The following SETBP1 variants were observed in gnomAD, a reference collection of about 807,000 sequenced individuals.
SETBP1 encodes the protein SET binding protein 1, also known as SET-binding protein.
Under a neutral mutation model 101.0 loss-of-function variants are expected in SETBP1, and 9 were observed. That is an observed-to-expected ratio of 0.09 (90% CI 0.05 to 0.16). The LOEUF is 0.16. Among genes scored for constraint, SETBP1 ranks in the 10% least tolerant of loss-of-function variants. SETBP1 has a pLI of 1.00. For synonymous variants in SETBP1, 818 were observed against 788.5 expected (o/e 1.04, Z -0.63); for missense variants, 1,858 against 2,033.8 (o/e 0.91, Z 1.66).
chr18:44,727,812 A>G (rs2069748257), intron 2 of SETBP1, among the ~76,000 whole-genome samples: 1 of 152,184 alleles, frequency 6.6e-6, no homozygotes, highest in Admixed American at 6.5e-5. Context: ...TTGTTGGGTC[A>G]AAGTAATCCA....
intron 3 of SETBP1, among the ~76,000 whole-genome samples, chr18:44,892,939 G>A (rs1304614520): frequency 6.6e-6 from 1 of 152,050 alleles, no homozygotes; most frequent in Admixed American, 6.6e-5. Flanking sequence ...CAAATCTTCT[G>A]GTAGCTCCAT....
intron 4 of SETBP1, among the ~76,000 whole-genome samples, chr18:45,006,807 T>C (rs1157610534): frequency 2.0e-5 from 3 of 152,176 alleles, no homozygotes; most frequent in Non-Finnish European, 4.4e-5. Flanking sequence ...GGGACACAAT[T>C]CAACCCACAA....
At chr18:44,766,799 C>G (rs528286353) in intron 2 of SETBP1, among the ~76,000 whole-genome samples, 1 of 151,926 alleles carries the variant, frequency 6.6e-6, no homozygotes, top group Non-Finnish European at 1.5e-5. Flanking sequence ...TAGCAAGACC[C>G]TGTCTCTGAA....
intron 3 of SETBP1, among the ~76,000 whole-genome samples, chr18:44,884,943 G>A (rs936746585): frequency 6.6e-6 from 1 of 151,922 alleles, no homozygotes; most frequent in Non-Finnish European, 1.5e-5. Flanking sequence ...TAGAAAATTT[G>A]GAAAATTAAA....
intron 3 of SETBP1, among the ~76,000 whole-genome samples, chr18:44,929,785 T>G (rs1474093633): frequency 6.6e-6 from 1 of 152,218 alleles, no homozygotes; most frequent in Non-Finnish European, 1.5e-5. Context: ...ACATTGATTT[T>G]GTATCCTGAG....
At chr18:44,976,199 G>A (rs2071984518) in intron 4 of SETBP1, among the ~76,000 whole-genome samples, 1 of 152,008 alleles carries the variant, frequency 6.6e-6, no homozygotes, top group Admixed American at 6.6e-5. Context: ...GAAATGTGCT[G>A]GAGCAGGAAG....
At chr18:44,817,926 TCTGGCACTTA>T (rs1189832443) in intron 2 of SETBP1, among the ~76,000 whole-genome samples, 4 of 152,204 alleles carry the variant, frequency 2.6e-5, no homozygotes, top group Admixed American at 2.0e-4. Flanking sequence ...TCTCAAAAAG[TCTGGCACTTA>T]CTGTCTTTGG....
chr18:44,869,433 G>T (rs373842312), intron 3 of SETBP1, 150 bp downstream of exon 3: 6 of 736,636 alleles, frequency 8.1e-6, no homozygotes, highest in African/African-American at 6.9e-5. Context: ...CTGGTGGCTT[G>T]CTCTCCTCCT....
chr18:45,049,377 C>A (rs916117266), intron 5 of SETBP1, among the ~76,000 whole-genome samples: 1 of 152,104 alleles, frequency 6.6e-6, no homozygotes, highest in African/African-American at 2.4e-5. Context: ...ACTATTCTGA[C>A]CGGCAATGAT....
intron 4 of SETBP1, among the ~76,000 whole-genome samples, chr18:45,003,789 G>A (rs992665675): frequency 4.6e-5 from 7 of 151,730 alleles, no homozygotes; most frequent in African/African-American, 7.3e-5. Flanking sequence ...GTTGACCTTC[G>A]TAATCTAAAT....
At chr18:44,758,833 T>G (rs2144576532) in intron 2 of SETBP1, among the ~76,000 whole-genome samples, 1 of 152,344 alleles carries the variant, frequency 6.6e-6, no homozygotes, top group East Asian at 1.9e-4. Flanking sequence ...GGACCTGGAT[T>G]CCCACCTATG....
chr18:45,027,461 C>A (rs2073190572), intron 4 of SETBP1, among the ~76,000 whole-genome samples: 1 of 152,172 alleles, frequency 6.6e-6, no homozygotes, highest in Non-Finnish European at 1.5e-5. Context: ...CAAATTATTT[C>A]TCTCTCATAT....
chr18:44,951,851 C>T lies in SETBP1; in HGVS notation c.2511C>T (p.Asn837=), dbSNP rs768201453. ...WKLSPPRLMA[N]SPSHLCEIGS... The stretch of plus-strand genomic sequence containing the variant: ...TGTCTCCACCCAGACTGATGGCCAA[C>T]TCCCCTTCACACCTGTGCGAGATTG... The change falls in exon 4 of 6, where the codon AAC becomes AAT. Residue 837 remains asparagine, a synonymous_variant. Coordinates refer to ENST00000649279, the MANE Select transcript of SETBP1 (RefSeq NM_015559.3). The surrounding 1 kb of genome is among the most constrained non-coding windows in gnomAD (Gnocchi z 7.8). 1.2e-6 allele frequency: 2 copies of T among 1,613,990 alleles called. No individual in the cohort carries two copies. Among genetic ancestry groups the T allele is most frequent in the Non-Finnish European group, 1.7e-6 (2 of 1,180,060 alleles).
chr18:44,849,447 C>T (rs2072800556), intron 2 of SETBP1, among the ~76,000 whole-genome samples: 1 of 152,122 alleles, frequency 6.6e-6, no homozygotes, highest in African/African-American at 2.4e-5. Flanking sequence ...CAAGAGGACT[C>T]GATGTGAATA....
intron 2 of SETBP1, among the ~76,000 whole-genome samples, chr18:44,845,871 T>G (rs1346370616): frequency 6.6e-6 from 1 of 152,186 alleles, no homozygotes; most frequent in Non-Finnish European, 1.5e-5. Flanking sequence ...GGTCTTCAGG[T>G]TGCGAGCCCT....
At chr18:45,059,631 T>C (rs2073860894) in intron 5 of SETBP1, among the ~76,000 whole-genome samples, 1 of 152,174 alleles carries the variant, frequency 6.6e-6, no homozygotes, top group South Asian at 2.1e-4. Flanking sequence ...AGATCTGTGC[T>C]GCCCCATAGG....
chr18:44,816,270 G>C (rs1219717019), intron 2 of SETBP1, among the ~76,000 whole-genome samples: 1 of 152,214 alleles, frequency 6.6e-6, no homozygotes, highest in Admixed American at 6.5e-5. Flanking sequence ...AGACCCCTGA[G>C]AGGAGAGCGA....
At chr18:44,878,952 T>G (rs2069470276) in intron 3 of SETBP1, among the ~76,000 whole-genome samples, 1 of 152,118 alleles carries the variant, frequency 6.6e-6, no homozygotes, top group Admixed American at 6.6e-5. Context: ...CTACTGCATT[T>G]TTTGGATATT....
At chr18:44,805,288 T>C (rs1480026656) in intron 2 of SETBP1, among the ~76,000 whole-genome samples, 1 of 152,110 alleles carries the variant, frequency 6.6e-6, no homozygotes, top group South Asian at 2.1e-4. Flanking sequence ...AAGGTGACAT[T>C]GGGAACCTGC....
Sources: gnomAD v4.1 joint callset for allele counts (sites outside exome capture counted in the v4.1 genomes callset) on GRCh38, gnomAD v4.1.1 for gene constraint, Gnocchi (gnomAD v3.1) non-coding constraint, MANE v1.5 for transcripts, NCBI Gene and HGNC (gene_info 2026-07-23, HGNC 2026-07-21) for gene names.